ABCA13: variants seen among roughly 807,000 people sequenced by gnomAD.
ABCA13 encodes ATP binding cassette subfamily A member 13.
ABCA13 carries 476 observed loss-of-function variants against 478.7 expected under a neutral mutation model. The observed-to-expected ratio is 0.99, with a 90% CI of 0.92 to 1.07. The LOEUF (loss-of-function observed/expected upper bound fraction) is 1.07, where lower values mean the gene tolerates loss of function less well. Among genes scored for constraint, ABCA13 ranks in the 50% least tolerant of loss-of-function variants. The pLI is 0.00. For missense variants in ABCA13, 6,060 were observed against 5,910.6 expected (o/e 1.03, Z -0.83); for synonymous variants, 2,252 against 2,158.9 (o/e 1.04, Z -1.20).
intron 58 of ABCA13, among the ~76,000 whole-genome samples, chr7:48,598,044 A>G (rs939583160): frequency 3.9e-5 from 6 of 152,194 alleles, no homozygotes; most frequent in African/African-American, 1.4e-4. Flanking sequence ...CCACCATTAT[A>G]GTATCAGATA....
At chr7:48,202,623 CA>C (rs1204300846) in intron 3 of ABCA13, among the ~76,000 whole-genome samples, 1 of 151,164 alleles carries the variant, frequency 6.6e-6, no homozygotes. Flanking sequence ...GGTGTGTTTA[CA>C]ATCCCTGAGC....
At chr7:48,349,440 C>T (rs1286388461) in intron 29 of ABCA13, among the ~76,000 whole-genome samples, 2 of 152,294 alleles carry the variant, frequency 1.3e-5, no homozygotes, top group African/African-American at 4.8e-5. Flanking sequence ...TCTTTCCTTA[C>T]CAGGGAAGAA....
At chr7:48,411,035 CTT>C (rs758606925) in intron 40 of ABCA13, among the ~76,000 whole-genome samples, 2 of 109,514 alleles carry the variant, frequency 1.8e-5, no homozygotes, top group Non-Finnish European at 3.9e-5. Context: ...TTCTTTCTTT[CTT>C]TCTTTCTTTC....
chr7:48,268,975 T>C lies in ABCA13; in HGVS notation c.2006-5T>C, dbSNP rs1398241238. ...AATTAATGTAGAAAATGTCTTTTTA[T>C]TTAGCTTTTCCTGAGGAATCTCCTT... On this transcript the variant is annotated splice_region_variant and splice_polypyrimidine_tract_variant and intron_variant, in intron 15 of 61. Transcript: ENST00000435803. The C allele has an allele frequency of 2.0e-6, 3 of 1,488,238 alleles. No individual in the cohort carries two copies. The highest frequency in any genetic ancestry group is 2.8e-6 in the Non-Finnish European group (3 of 1,073,934). The allele number at this position is 1,488,238 out of a possible 1,614,324, so 92.2% of individuals were successfully genotyped here. A position where few individuals can be genotyped will look rare whatever the true frequency, so the allele number is the denominator to read the frequency against.
intron 42 of ABCA13, among the ~76,000 whole-genome samples, chr7:48,446,842 G>C (rs1184874871): frequency 6.6e-6 from 1 of 152,212 alleles, no homozygotes; most frequent in African/African-American, 2.4e-5. Context: ...GCCAAAGAAA[G>C]TTTGTGTTCC....
intron 8 of ABCA13, among the ~76,000 whole-genome samples, chr7:48,234,593 G>C (rs927904530): frequency 2.6e-5 from 4 of 152,188 alleles, no homozygotes; most frequent in Non-Finnish European, 4.4e-5. Context: ...ATGCCTGCTG[G>C]GTTCACCAAA....
At chr7:48,546,929 C>T (rs772571449) in intron 55 of ABCA13, among the ~76,000 whole-genome samples, 9 of 151,662 alleles carry the variant, frequency 5.9e-5, no homozygotes, top group Non-Finnish European at 1.0e-4. Context: ...CAACTAGCAA[C>T]TAGTTGACAA....
chr7:48,576,635 C>T (rs1269847578), intron 55 of ABCA13, among the ~76,000 whole-genome samples: 1 of 152,134 alleles, frequency 6.6e-6, no homozygotes, highest in African/African-American at 2.4e-5. Context: ...CTCCTCACCA[C>T]CACATCAGTG....
chr7:48,508,871 A>T (rs1831438078), intron 50 of ABCA13, among the ~76,000 whole-genome samples: 1 of 152,150 alleles, frequency 6.6e-6, no homozygotes, highest in African/African-American at 2.4e-5. Flanking sequence ...TATTTCTTTG[A>T]GCTGGCTTAG....
At chr7:48,503,864 G>A (rs765652213) in intron 48 of ABCA13, among the ~76,000 whole-genome samples, 14 of 151,982 alleles carry the variant, frequency 9.2e-5, no homozygotes, top group Non-Finnish European at 1.8e-4. Context: ...ATTTTCTGAG[G>A]CACCCCTATA....
chr7:48,216,969 T>G (rs1460081859), intron 3 of ABCA13, among the ~76,000 whole-genome samples: 2 of 152,256 alleles, frequency 1.3e-5, no homozygotes, highest in African/African-American at 4.8e-5. Flanking sequence ...CTCAGTTCTA[T>G]GTATATTTCA....
At chr7:48,537,083 G>T (rs1833635907) in intron 55 of ABCA13, among the ~76,000 whole-genome samples, 1 of 151,860 alleles carries the variant, frequency 6.6e-6, no homozygotes, top group African/African-American at 2.4e-5. Flanking sequence ...ATATTTTCCA[G>T]ATTCTGACTT....
rs551183671 is a variant in ABCA13, at chr7:48,349,937, T to C, written c.10205-706T>C. ...CCTGCTGCTTTCCCTCTGGAGGTCATGTTCTGGGCATTCCCACGCTGCCTT... is the reference window on the plus strand; with the variant it reads ...CCTGCTGCTTTCCCTCTGGAGGTCACGTTCTGGGCATTCCCACGCTGCCTT... On this transcript the variant is annotated intron_variant, in intron 29 of 61. Coordinates refer to ENST00000435803, the MANE Select transcript of ABCA13 (RefSeq NM_152701.5). Among the ~76,000 whole-genome samples the C allele has an allele frequency of 2.0e-4, 30 of 152,354 alleles. 1 individual carries two copies. In the South Asian group the frequency reaches 4.3e-3, roughly 22 times the overall value.
intron 3 of ABCA13, among the ~76,000 whole-genome samples, chr7:48,202,599 A>G (rs2128922719): frequency 6.6e-6 from 1 of 152,130 alleles, no homozygotes; most frequent in South Asian, 2.1e-4. Context: ...TGAGCTAGAT[A>G]CAGAGTGCCG....
intron 31 of ABCA13, among the ~76,000 whole-genome samples, chr7:48,365,512 TTC>T (rs1325751742): frequency 6.6e-6 from 1 of 152,188 alleles, no homozygotes. Flanking sequence ...CCTGAAGCAG[TTC>T]TCTGATATTT....
In ABCA13 at chr7:48,526,749, A is replaced by C. The variant is rs145428888; in HGVS notation, c.14245-1487A>C. On this transcript the variant is annotated intron_variant, in intron 54 of 61. Transcript: ENST00000435803. ...GGTACAGTTAAAATATGGTATTGTC[A>C]TCTTGTAAGATGACCATTGTATATG... is the stretch of plus-strand genomic sequence containing the variant. Among the ~76,000 whole-genome samples the C allele has an allele frequency of 1.1e-4, 16 of 152,300 alleles. No homozygotes were observed. The East Asian group carries it at 3.1e-3, about 29-fold the overall frequency.
chr7:48,584,623 G>A (rs1477422847), intron 56 of ABCA13, among the ~76,000 whole-genome samples: 1 of 152,172 alleles, frequency 6.6e-6, no homozygotes, highest in Non-Finnish European at 1.5e-5. Context: ...GAGCTTCCAG[G>A]ATGGGCTCTG....
intron 58 of ABCA13, among the ~76,000 whole-genome samples, chr7:48,611,673 G>A (rs1488567707): frequency 1.3e-5 from 2 of 152,028 alleles, no homozygotes; most frequent in African/African-American, 2.4e-5. Flanking sequence ...AAAGCAAGGG[G>A]GAAATCGGTC....
At chr7:48,601,322 C>T (rs527887357) in intron 58 of ABCA13, among the ~76,000 whole-genome samples, 15 of 152,190 alleles carry the variant, frequency 9.9e-5, no homozygotes, top group African/African-American at 3.6e-4. Context: ...TGGTTTGCAG[C>T]ACCCATCAAC....
Sources: gnomAD v4.1 joint callset for allele counts (sites outside exome capture counted in the v4.1 genomes callset) on GRCh38, gnomAD v4.1.1 for gene constraint, MANE v1.5 for transcripts, NCBI Gene and HGNC (gene_info 2026-07-23, HGNC 2026-07-21) for gene names.